The following ENTREP2 variants were observed in gnomAD, a reference collection of about 807,000 sequenced individuals.
The protein encoded by ENTREP2 is protein ENTREP2.
At chr15:29,627,917 C>T in the ENTREP2 span, among the ~76,000 whole-genome samples, 1 of 152,134 alleles carries the variant, frequency 6.6e-6, no homozygotes, top group Non-Finnish European at 1.5e-5. Context: ...GGGTTCTTTT[C>T]ACCTATTGTG....
At chr15:29,608,868 C>A in the ENTREP2 span, among the ~76,000 whole-genome samples, 102 of 152,214 alleles carry the variant, frequency 6.7e-4, no homozygotes, top group Non-Finnish European at 1.1e-3. Flanking sequence ...TGCCTGGCCT[C>A]CTCCTGCCTT....
At chr15:29,527,281 A>G in the ENTREP2 span, among the ~76,000 whole-genome samples, 1 of 152,082 alleles carries the variant, frequency 6.6e-6, no homozygotes, top group Non-Finnish European at 1.5e-5. Flanking sequence ...GGGTTTCAGG[A>G]CATTTTCTAA....
chr15:29,123,084 T>C, the ENTREP2 span: 1 of 474,286 alleles, frequency 2.1e-6, no homozygotes, highest in East Asian at 3.2e-5. Context: ...GAGTTCACTG[T>C]GGACGTGAAA....
chr15:29,148,706 AGC>A, the ENTREP2 span, among the ~76,000 whole-genome samples: 1 of 152,060 alleles, frequency 6.6e-6, no homozygotes, highest in African/African-American at 2.4e-5. Context: ...GCCTGAGTAA[AGC>A]CTTTTCTGAG....
At chr15:29,463,744 A>G in the ENTREP2 span, among the ~76,000 whole-genome samples, 1,936 of 152,300 alleles carry the variant, frequency 0.013, 43 homozygotes, top group African/African-American at 0.045. Context: ...GCTCTAACAG[A>G]TATCTGTGCA....
the ENTREP2 span, among the ~76,000 whole-genome samples, chr15:29,254,378 G>A: frequency 1.3e-5 from 2 of 152,042 alleles, no homozygotes; most frequent in Non-Finnish European, 1.5e-5. Flanking sequence ...CCAGTAGAAC[G>A]TAACTGATTA....
At chr15:29,644,829 A>AG in the ENTREP2 span, among the ~76,000 whole-genome samples, 1 of 149,544 alleles carries the variant, frequency 6.7e-6, no homozygotes, top group East Asian at 1.9e-4. Context: ...AAAAAAAAAG[A>AG]AAAAAAAAGA....
At chr15:29,394,065 A>T in the ENTREP2 span, among the ~76,000 whole-genome samples, 7 of 152,310 alleles carry the variant, frequency 4.6e-5, 1 homozygote, top group African/African-American at 1.7e-4. Context: ...ACTATCCAAG[A>T]ATTAACTTCA....
chr15:29,511,907 C>A, the ENTREP2 span, among the ~76,000 whole-genome samples: 5 of 150,752 alleles, frequency 3.3e-5, no homozygotes, highest in East Asian at 5.9e-4. Context: ...AGCATGCAGG[C>A]CCTGGCAGTG....
the ENTREP2 span, chr15:29,233,860 AGAT>A: frequency 4.4e-6 from 7 of 1,579,952 alleles, no homozygotes; most frequent in Non-Finnish European, 6.1e-6. Context: ...TTTCTGTGGG[AGAT>A]GATGTCAAAT....
the ENTREP2 span, among the ~76,000 whole-genome samples, chr15:29,200,787 C>G: frequency 4.6e-5 from 7 of 152,108 alleles, no homozygotes; most frequent in Non-Finnish European, 8.8e-5. Context: ...GTCTTGGACT[C>G]CTGACCTCAG....
the ENTREP2 span, among the ~76,000 whole-genome samples, chr15:29,310,127 G>A: frequency 1.3e-5 from 2 of 152,214 alleles, no homozygotes; most frequent in South Asian, 2.1e-4. Flanking sequence ...AACTAGAAAG[G>A]GGGGGCAGGA....
chr15:29,363,241 G>T, the ENTREP2 span, among the ~76,000 whole-genome samples: 2 of 152,206 alleles, frequency 1.3e-5, no homozygotes, highest in African/African-American at 4.8e-5. Context: ...AATAAATAAT[G>T]ACTCCAAATA....
At chr15:29,623,438 C>A in the ENTREP2 span, among the ~76,000 whole-genome samples, 1 of 152,186 alleles carries the variant, frequency 6.6e-6, no homozygotes, top group African/African-American at 2.4e-5. Flanking sequence ...AGCAGGGGAA[C>A]TGGGGTTTAG....
the ENTREP2 span, chr15:29,266,208 A>T: frequency 6.6e-6 from 1 of 152,252 alleles, no homozygotes; most frequent in East Asian, 1.9e-4. Flanking sequence ...CATTACTAGT[A>T]AGCAACAGGT....
chr15:29,290,158 T>C, the ENTREP2 span, among the ~76,000 whole-genome samples: 1 of 152,020 alleles, frequency 6.6e-6, no homozygotes, highest in Non-Finnish European at 1.5e-5. Context: ...TCAAACTCTT[T>C]AAAATCCCCC....
At chr15:29,672,597 C>A in the ENTREP2 span, among the ~76,000 whole-genome samples, 1 of 152,058 alleles carries the variant, frequency 6.6e-6, no homozygotes, top group Non-Finnish European at 1.5e-5. Context: ...GCCCAATGGG[C>A]TCTCCATACC....
the ENTREP2 span, among the ~76,000 whole-genome samples, chr15:29,319,296 T>C: frequency 1.3e-5 from 2 of 152,220 alleles, no homozygotes; most frequent in Non-Finnish European, 2.9e-5. Flanking sequence ...GCCAGACCCC[T>C]GCTTTAAAGC....
the ENTREP2 span, among the ~76,000 whole-genome samples, chr15:29,133,284 C>T: frequency 6.6e-6 from 1 of 152,168 alleles, no homozygotes; most frequent in Admixed American, 6.5e-5. Flanking sequence ...CGAGAGTGAT[C>T]TACTCCTGCT....
Sources: allele counts gnomAD v4.1 joint callset (sites outside exome capture counted in the v4.1 genomes callset), GRCh38; gene constraint gnomAD v4.1.1; transcripts MANE v1.5; gene names NCBI Gene and HGNC (gene_info 2026-07-23, HGNC 2026-07-21).